RPA3: variants seen among roughly 807,000 people sequenced by gnomAD.
The protein encoded by RPA3 is replication protein A3.
In RPA3, 24 loss-of-function variants were observed where a neutral mutation model predicts 13.7. The observed-to-expected ratio is 1.75, with a 90% CI of 1.27 to 2.46. RPA3 has a LOEUF of 2.46. Ranked by LOEUF, RPA3 falls within the 30% of genes most tolerant of loss-of-function variation. RPA3 has a pLI of 0.00. For synonymous variants in RPA3, 59 were observed against 51.2 expected (o/e 1.15, Z -0.65); for missense variants, 183 against 151.0 (o/e 1.21, Z -1.11).
At chr7:7,640,253 C>T (rs1423342091) in intron 5 of RPA3, 67 bp downstream of exon 5, 3 of 1,506,076 alleles carry the variant, frequency 2.0e-6, no homozygotes, top group Non-Finnish European at 2.8e-6. Flanking sequence ...TTTCATCCCC[C>T]GTTATCCAGG....
chr7:7,637,765 G>GTT (rs1393680573), intron 7 of RPA3, 99 bp downstream of exon 7: 1 of 525,696 alleles, frequency 1.9e-6, no homozygotes, highest in African/African-American at 1.9e-5. Flanking sequence ...ATTACATACA[G>GTT]TTATATAAAA....
At chr7:7,688,712 T>G (rs1780097608) in intron 2 of RPA3, among the ~76,000 whole-genome samples, 1 of 152,216 alleles carries the variant, frequency 6.6e-6, no homozygotes, top group Non-Finnish European at 1.5e-5. Flanking sequence ...ACGCCTTTAT[T>G]TTTGTATGTC....
intron 4 of RPA3, among the ~76,000 whole-genome samples, chr7:7,682,762 G>A (rs28915977): frequency 3.0e-3 from 454 of 152,234 alleles, no homozygotes; most frequent in African/African-American, 0.01. Context: ...AGAAAAACTC[G>A]ATTTACATTT....
At chr7:7,676,599 T>A (rs1779746659) in intron 4 of RPA3, among the ~76,000 whole-genome samples, 1 of 152,232 alleles carries the variant, frequency 6.6e-6, no homozygotes, top group Admixed American at 6.5e-5. Flanking sequence ...CTGTTTTTTA[T>A]TTGTTTTAAT....
chr7:7,643,357 G>C (rs1391613184), intron 4 of RPA3, among the ~76,000 whole-genome samples: 1 of 152,216 alleles, frequency 6.6e-6, no homozygotes, highest in African/African-American at 2.4e-5. Context: ...GGAGGGCTCT[G>C]TGCCTGCCGG....
intron 2 of RPA3, among the ~76,000 whole-genome samples, chr7:7,690,249 C>G (rs901980914): frequency 6.6e-6 from 1 of 152,022 alleles, no homozygotes; most frequent in African/African-American, 2.4e-5. Flanking sequence ...AAATGTATTT[C>G]CAAAACGCTG....
chr7:7,649,778 C>T (rs1785183848), intron 4 of RPA3, among the ~76,000 whole-genome samples: 1 of 152,134 alleles, frequency 6.6e-6, no homozygotes, highest in Non-Finnish European at 1.5e-5. Flanking sequence ...GAAATCCTAA[C>T]CCCTAAGGTG....
chr7:7,638,219 A>C (rs375986116), intron 6 of RPA3: 1 of 356,146 alleles, frequency 2.8e-6, no homozygotes, highest in Non-Finnish European at 5.3e-6. Flanking sequence ...GTTAAAGACA[A>C]AATCACTATT....
intron 4 of RPA3, chr7:7,641,841 A>G (rs1002328577): frequency 2.0e-5 from 3 of 152,198 alleles, no homozygotes; most frequent in Non-Finnish European, 4.4e-5. Flanking sequence ...TTGAGACTTC[A>G]CGTGGCAATT....
chr7:7,640,082 G>A (rs1485797485), intron 5 of RPA3: 1 of 544,892 alleles, frequency 1.8e-6, no homozygotes, highest in Non-Finnish European at 3.3e-6. Flanking sequence ...TAGAACGGAG[G>A]CGACGGGCAC....
chr7:7,714,964 C>A (rs762826299), intron 2 of RPA3, among the ~76,000 whole-genome samples: 30 of 146,674 alleles, frequency 2.0e-4, no homozygotes, highest in African/African-American at 3.8e-4. Context: ...ACAACAACAA[C>A]AAAAAACTAC....
intron 1 of RPA3, among the ~76,000 whole-genome samples, chr7:7,715,427 C>A (rs1780877050): frequency 6.6e-6 from 1 of 152,106 alleles, no homozygotes; most frequent in Non-Finnish European, 1.5e-5. Context: ...AAAGCTAGTT[C>A]CCTGATAAGT....
intron 2 of RPA3, among the ~76,000 whole-genome samples, chr7:7,688,261 A>G (rs1780085808): frequency 6.6e-6 from 1 of 152,130 alleles, no homozygotes; most frequent in African/African-American, 2.4e-5. Context: ...GTGATTTCTT[A>G]GGATATTTTT....
At position 7,695,802 on chromosome 7, in the gene RPA3, T is replaced by A. The variant is rs1780300218; in HGVS notation, c.-1027-8474A>T. ...GTCACCTTTAGGTTCTTTATTTTTCTACATCTGTCTTCTGTGGTCATAAAT... is the reference window on the plus strand; with the variant it reads ...GTCACCTTTAGGTTCTTTATTTTTCAACATCTGTCTTCTGTGGTCATAAAT... On this transcript the variant is annotated intron_variant, in intron 2 of 7. Coordinates refer to ENST00000223129, the MANE Select transcript of RPA3 (RefSeq NM_002947.5). 5.3e-5 allele frequency among the ~76,000 whole-genome samples: 8 copies of A among 152,332 alleles called. No homozygotes were observed. The South Asian group carries it at 1.0e-3, about 20-fold the overall frequency.
chr7:7,706,175 G>C (rs965150543), intron 2 of RPA3, among the ~76,000 whole-genome samples: 9 of 152,092 alleles, frequency 5.9e-5, no homozygotes, highest in Non-Finnish European at 1.3e-4. Context: ...GGAAGAGAGA[G>C]TAATTAGTGA....
chr7:7,655,965 A>G (rs1376358102), intron 4 of RPA3, among the ~76,000 whole-genome samples: 1 of 152,066 alleles, frequency 6.6e-6, no homozygotes, highest in East Asian at 1.9e-4. Context: ...CCTTCCGAGT[A>G]GCTGGGATTA....
Position 7,676,235 on chromosome 7 carries a change from A to G in RPA3, c.-758+9595T>C, listed in dbSNP as rs181543906. The G allele has an allele frequency of 3.2e-4, 128 of 398,596 alleles. 1 individual carries two copies. Among genetic ancestry groups the G allele is most frequent in the African/African-American group, 2.4e-3 (117 of 48,744 alleles). The allele number at this position is 398,596 out of a possible 1,614,324, so 24.7% of individuals were successfully genotyped here. On this transcript the variant is annotated intron_variant, in intron 4 of 7. Coordinates refer to ENST00000223129, the MANE Select transcript of RPA3 (RefSeq NM_002947.5). ...TTAGTTACCCTTCCCAGTACCACTT[A>G]GCATATCTAGGAAATGAGCACGATA...
chr7:7,678,754 ATATT>A (rs1779829050), intron 4 of RPA3, among the ~76,000 whole-genome samples: 3 of 125,414 alleles, frequency 2.4e-5, no homozygotes, highest in African/African-American at 6.3e-5. Context: ...TTATAAATAT[ATATT>A]TATATATTTA....
intron 2 of RPA3, among the ~76,000 whole-genome samples, chr7:7,690,325 A>G (rs767162023): frequency 2.1e-4 from 32 of 152,116 alleles, no homozygotes; most frequent in Non-Finnish European, 4.3e-4. Context: ...ATTGAAGTGT[A>G]TATGTTTCCT....
Sources: allele counts gnomAD v4.1 joint callset (sites outside exome capture counted in the v4.1 genomes callset), GRCh38; gene constraint gnomAD v4.1.1; transcripts MANE v1.5; gene names NCBI Gene and HGNC (gene_info 2026-07-23, HGNC 2026-07-21).